MARK3: variants seen among roughly 807,000 people sequenced by gnomAD.
MARK3 encodes microtubule affinity regulating kinase 3, also known as MAP/microtubule affinity-regulating kinase 3.
Under a neutral mutation model 90.1 loss-of-function variants are expected in MARK3, and 46 were observed. That is an observed-to-expected ratio of 0.51 (90% CI 0.40 to 0.65). The LOEUF (loss-of-function observed/expected upper bound fraction) is 0.65. Ranked by LOEUF, MARK3 falls within the 30% of genes least tolerant of loss-of-function variation. The probability of loss-of-function intolerance (pLI) is 0.00; values close to 1 mark genes in which losing one functional copy is unlikely to be tolerated. For synonymous variants in MARK3, 321 were observed against 332.6 expected (o/e 0.97, Z 0.38); for missense variants, 818 against 947.2 (o/e 0.86, Z 1.79).
At chr14:103,426,605 C>T (rs1026284499) in intron 2 of MARK3, among the ~76,000 whole-genome samples, 11 of 152,184 alleles carry the variant, frequency 7.2e-5, no homozygotes, top group African/African-American at 2.4e-4. Context: ...GGCAAAGCCT[C>T]TCTCCACTTT....
At chr14:103,462,819 T>C (rs1303526286) in intron 7 of MARK3, among the ~76,000 whole-genome samples, 1 of 152,150 alleles carries the variant, frequency 6.6e-6, no homozygotes, top group East Asian at 1.9e-4. Flanking sequence ...TTAACAGCAG[T>C]GCCTGTTTGA....
chr14:103,451,358 T>C (rs1395701768), intron 4 of MARK3, among the ~76,000 whole-genome samples: 2 of 152,016 alleles, frequency 1.3e-5, no homozygotes, highest in Non-Finnish European at 2.9e-5. Context: ...TAAAAAAGAT[T>C]CCCCCCCTCA....
intron 15 of MARK3, among the ~76,000 whole-genome samples, chr14:103,493,125 C>T (rs930068494): frequency 1.2e-4 from 19 of 152,092 alleles, no homozygotes; most frequent in African/African-American, 4.6e-4. Flanking sequence ...ACTCCATCTC[C>T]ATTATTTAAA....
At chr14:103,433,970 A>G (rs1223972200) in intron 3 of MARK3, among the ~76,000 whole-genome samples, 1 of 152,070 alleles carries the variant, frequency 6.6e-6, no homozygotes, top group African/African-American at 2.4e-5. Context: ...TGCTGTTCTC[A>G]GTTGCCATCA....
At chr14:103,463,464 C>T (rs1212732301) in intron 7 of MARK3, among the ~76,000 whole-genome samples, 1 of 152,136 alleles carries the variant, frequency 6.6e-6, no homozygotes, top group African/African-American at 2.4e-5. Flanking sequence ...TATAAGCATC[C>T]CTTGGGTGCA....
chr14:103,468,716 C>G (rs967625560), intron 12 of MARK3, among the ~76,000 whole-genome samples: 4 of 151,694 alleles, frequency 2.6e-5, no homozygotes, highest in African/African-American at 9.7e-5. Context: ...TAGATTTTTG[C>G]TGGATAAAGC....
intron 3 of MARK3, 55 bp from the exon 4 acceptor site, chr14:103,448,864 A>G (rs1043669672): frequency 6.8e-7 from 1 of 1,473,572 alleles, no homozygotes; most frequent in African/African-American, 1.4e-5. Flanking sequence ...GTGGAATATA[A>G]TGTTTAATAA....
intron 3 of MARK3, among the ~76,000 whole-genome samples, chr14:103,444,048 C>CAT (rs925676557): frequency 6.2e-5 from 9 of 146,206 alleles, no homozygotes; most frequent in African/African-American, 2.3e-4. Context: ...TTCTCTTTTA[C>CAT]ATACTCATTT....
At chr14:103,497,509 A>G (rs1467285766) in intron 15 of MARK3, among the ~76,000 whole-genome samples, 1 of 152,178 alleles carries the variant, frequency 6.6e-6, no homozygotes, top group Non-Finnish European at 1.5e-5. Context: ...CAACCTGCAC[A>G]TCTCCTTAAA....
chr14:103,406,688 C>T (rs1478376640), intron 2 of MARK3, among the ~76,000 whole-genome samples: 2 of 142,084 alleles, frequency 1.4e-5, no homozygotes, highest in Non-Finnish European at 1.5e-5. Context: ...CTGCAAGCTC[C>T]GCCTTCTGGG....
At chr14:103,405,807 C>G (rs1428637799) in intron 2 of MARK3, among the ~76,000 whole-genome samples, 5 of 147,644 alleles carry the variant, frequency 3.4e-5, no homozygotes, top group African/African-American at 1.3e-4. Context: ...CCATGTTGGT[C>G]AGGCTGGTCT....
chr14:103,491,179 A>G lies in MARK3; in HGVS notation c.1587-598A>G. On this transcript the variant is annotated intron_variant, in intron 14 of 17. Coordinates refer to ENST00000429436, the MANE Select transcript of MARK3 (RefSeq NM_001128918.3). ...TTCTTAATTTTGTGCTGTGGATTTTATAGTCTGAGATTTTGTTACAGTTGT... is the reference window on the plus strand; with the variant it reads ...TTCTTAATTTTGTGCTGTGGATTTTGTAGTCTGAGATTTTGTTACAGTTGT... The G allele has an allele frequency of 5.4e-6, 6 of 1,119,700 alleles. No individual in the cohort carries two copies. The Admixed American group carries it at 1.5e-4, about 28-fold the overall frequency. 69.4% of individuals were successfully genotyped at this position (1,119,700 alleles called of 1,614,324 possible).
At chr14:103,467,306 G>A (rs375834034) in intron 11 of MARK3, 115 bp downstream of exon 11, 1 of 542,578 alleles carries the variant, frequency 1.8e-6, no homozygotes, top group Admixed American at 3.3e-5. Context: ...TCATTTTTTA[G>A]ATTTACTTGC....
intron 7 of MARK3, 24 bp from the exon 8 acceptor site, chr14:103,465,533 T>C: frequency 6.5e-7 from 1 of 1,531,838 alleles, no homozygotes; most frequent in Non-Finnish European, 9.0e-7. Context: ...AAATTTCATT[T>C]TTGTCTTGAT....
At position 103,470,455 on chromosome 14, in the gene MARK3, AT is replaced by A. The variant is rs6145477; in HGVS notation, c.1264+2286del. ...ATTCCAGGATTCAGGAACTAAATCT[AT>A]TTTTTTTTTTTTTTTTGAGATGGAG... On this transcript the variant is annotated intron_variant, in intron 12 of 17. Coordinates refer to ENST00000429436, the MANE Select transcript of MARK3 (RefSeq NM_001128918.3). 6.5e-3 allele frequency among the ~76,000 whole-genome samples: 359 copies of A among 55,058 alleles called. 18 individuals carry two copies. Among genetic ancestry groups the A allele is most frequent in the Middle Eastern group, 0.031 (1 of 32 alleles). 36.1% of individuals were successfully genotyped at this position (55,058 alleles called of 152,430 possible). A position where few individuals can be genotyped will look rare whatever the true frequency, so the allele number is the denominator to read the frequency against.
intron 12 of MARK3, among the ~76,000 whole-genome samples, chr14:103,472,647 CAAA>C (rs71126028): frequency 1.1e-4 from 8 of 72,512 alleles, no homozygotes; most frequent in African/African-American, 1.6e-4. Flanking sequence ...GGCTCCATCT[CAAA>C]AAAAAAAAAA....
intron 2 of MARK3, among the ~76,000 whole-genome samples, chr14:103,424,616 A>G (rs2092340626): frequency 6.6e-6 from 1 of 152,110 alleles, no homozygotes; most frequent in African/African-American, 2.4e-5. Context: ...TCCAGGTGTG[A>G]AAATAGAAAC....
chr14:103,487,710 A>C (rs1291385966), intron 14 of MARK3, among the ~76,000 whole-genome samples: 2 of 152,152 alleles, frequency 1.3e-5, no homozygotes, highest in Non-Finnish European at 2.9e-5. Context: ...CCTGAAAGGT[A>C]AGGGCACAAG....
At chr14:103,460,875 A>C (rs1414210620) in intron 6 of MARK3, among the ~76,000 whole-genome samples, 1 of 152,230 alleles carries the variant, frequency 6.6e-6, no homozygotes, top group Non-Finnish European at 1.5e-5. Flanking sequence ...ATAGTGATAA[A>C]TCCAAAGTAA....
Sources: gnomAD v4.1 joint callset for allele counts (sites outside exome capture counted in the v4.1 genomes callset) on GRCh38, gnomAD v4.1.1 for gene constraint, MANE v1.5 for transcripts, NCBI Gene and HGNC (gene_info 2026-07-23, HGNC 2026-07-21) for gene names.